Variants in DNAAF9 observed in about 807,000 individuals in gnomAD.
The protein encoded by DNAAF9 is shulin.
Under a neutral mutation model 167.0 loss-of-function variants are expected in DNAAF9, and 90 were observed. That is an observed-to-expected ratio of 0.54 (90% confidence interval 0.45 to 0.64). The LOEUF (loss-of-function observed/expected upper bound fraction) is 0.64, where lower values mean the gene tolerates loss of function less well. Among genes scored for constraint, DNAAF9 ranks in the 30% least tolerant of loss-of-function variants. DNAAF9 has a pLI of 0.00. For missense variants in DNAAF9, 1,315 were observed against 1,442.2 expected (o/e 0.91, Z 1.43); for synonymous variants, 491 against 508.8 (o/e 0.96, Z 0.47).
rs2068344054 is a variant in DNAAF9 at position 3,259,567 on chromosome 20, G to A, written c.2981-13C>T. On this transcript the variant is annotated splice_polypyrimidine_tract_variant and intron_variant, in intron 32 of 36. Transcript: ENST00000252032. ...GAGGACTGAATTGCTGGTGGAAGAA[G>A]AGGACAGCGCTGTCACCCACATGGA... The A allele has an allele frequency of 6.3e-7, 1 of 1,593,466 alleles. No individual in the cohort carries two copies. Among genetic ancestry groups the A allele is most frequent in the Non-Finnish European group, 8.6e-7 (1 of 1,161,068 alleles).
chr20:3,397,722 G>A (rs532729209), intron 1 of DNAAF9, among the ~76,000 whole-genome samples: 1 of 97,156 alleles, frequency 1.0e-5, no homozygotes, highest in Non-Finnish European at 2.4e-5. Context: ...TTTTTTTTGG[G>A]GGGGGGGAAC....
In DNAAF9 at chr20:3,315,073, T is replaced by G. The variant is rs1359472918; in HGVS notation, c.1638A>C (p.Ala546=). ...LGTYLTGGEG[A]YLYSSNLQSW... ...ACTGTAGATTGCTGGAATAAAGATATGCTCCTTCTCCTCCTGTTAGATAAG... is the reference window on the plus strand; with the variant it reads ...ACTGTAGATTGCTGGAATAAAGATAGGCTCCTTCTCCTCCTGTTAGATAAG... Residue 546 remains alanine (A), a synonymous_variant, in exon 20 of 37, where the codon GCA becomes GCC. Transcript: ENST00000252032. The surrounding 1 kb of genome is among the most constrained non-coding windows in gnomAD (Gnocchi z 4.1). 2 of 1,611,900 alleles carry G rather than the reference T, an allele frequency of 1.2e-6. No homozygotes were observed. The highest frequency in any genetic ancestry group is 2.7e-5 in the African/African-American group (2 of 74,996).
At chr20:3,368,628 T>A (rs1568632142) in intron 6 of DNAAF9, among the ~76,000 whole-genome samples, 1 of 151,252 alleles carries the variant, frequency 6.6e-6, no homozygotes, top group African/African-American at 2.4e-5. Flanking sequence ...TTCTCCTGCC[T>A]CAGCCTCCCG....
intron 21 of DNAAF9, among the ~76,000 whole-genome samples, chr20:3,299,030 T>G (rs2069135638): frequency 6.7e-6 from 1 of 149,148 alleles, no homozygotes; most frequent in African/African-American, 2.5e-5. Context: ...TGCTTCAGCC[T>G]CCCGAGTAGC....
chr20:3,302,047 A>G (rs2069198951), intron 21 of DNAAF9, among the ~76,000 whole-genome samples: 1 of 151,918 alleles, frequency 6.6e-6, no homozygotes, highest in Non-Finnish European at 1.5e-5. Flanking sequence ...GGTTAATGCA[A>G]TTCTCCTGCC....
rs1228435872 is a variant in DNAAF9 at position 3,401,349 on chromosome 20, G to C, written c.83+6126C>G. ...GCCTCTCCAGTAGCTGGGATTACAGGCACCCGTCACTAGGCCTAATTTTTG... is the reference window on the plus strand; with the variant it reads ...GCCTCTCCAGTAGCTGGGATTACAGCCACCCGTCACTAGGCCTAATTTTTG... On this transcript the variant is annotated intron_variant, in intron 1 of 36. Coordinates refer to ENST00000252032, the MANE Select transcript of DNAAF9 (RefSeq NM_001009984.3). 2.6e-5 allele frequency among the ~76,000 whole-genome samples: 4 copies of C among 152,172 alleles called. No individual in the cohort carries two copies. In the East Asian group the frequency reaches 7.7e-4, roughly 29 times the overall value.
intron 6 of DNAAF9, 118 bp from the exon 7 acceptor site, chr20:3,359,711 A>C (rs1180915532): frequency 2.1e-5 from 14 of 651,582 alleles, no homozygotes; most frequent in South Asian, 1.8e-4. Flanking sequence ...ACAGAATAAT[A>C]AATCAAAAAT....
chr20:3,281,174 G>A (rs1367182409), intron 28 of DNAAF9, among the ~76,000 whole-genome samples: 1 of 152,038 alleles, frequency 6.6e-6, no homozygotes, highest in Non-Finnish European at 1.5e-5. Flanking sequence ...GATTACAAGT[G>A]TGCACCACCA....
rs10522445 is a variant in DNAAF9 at position 3,394,949 on chromosome 20, C to CTTTTTTTTTTTTTTT, written c.84-12458_84-12444dup. Reference sequence around the variant, plus strand: ...GCTTTTACTGAACATTTTCTTTTTTCTTTTTTTTTTTTTTTTTTTTTTTTT... The same window carrying CTTTTTTTTTTTTTTT: ...GCTTTTACTGAACATTTTCTTTTTTCTTTTTTTTTTTTTTTTTTTTTTTTTTTTTTTTTTTTTTTT... On this transcript the variant is annotated intron_variant, in intron 1 of 36. Coordinates refer to ENST00000252032, the MANE Select transcript of DNAAF9 (RefSeq NM_001009984.3). Among the ~76,000 whole-genome samples, 267 of 102,080 alleles carry CTTTTTTTTTTTTTTT rather than the reference C, an allele frequency of 2.6e-3. 44 individuals carry two copies. The highest frequency in any genetic ancestry group is 3.8e-3 in the Non-Finnish European group (201 of 52,728). 67.0% of individuals were successfully genotyped at this position (102,080 alleles called of 152,430 possible).
chr20:3,397,328 T>TTGTTTTC (rs2083923801), intron 1 of DNAAF9, among the ~76,000 whole-genome samples: 1 of 151,940 alleles, frequency 6.6e-6, no homozygotes, highest in Non-Finnish European at 1.5e-5. Context: ...GTTTTGTTTT[T>TTGTTTTC]TGTTTTTTGA....
Position 3,256,121 on chromosome 20 carries a change from T to C in DNAAF9, c.3146A>G (p.Asp1049Gly), listed in dbSNP as rs199661270. 39 of 1,613,840 alleles carry C rather than the reference T, an allele frequency of 2.4e-5. No individual in the cohort carries two copies. In the Middle Eastern group the frequency reaches 9.9e-4, roughly 41 times the overall value. Residue 1049 changes from aspartate to glycine, a missense_variant, in exon 34 of 37, where the codon GAC becomes GGC. This residue lies in a region of DNAAF9 where 334 missense variants were observed against 429.7 expected (regional missense o/e 0.78). Transcript: ENST00000252032. Reference protein sequence around the residue: ...PVLEGPTPPPDSKSVSQDSSG... With the variant: ...PVLEGPTPPPGSKSVSQDSSG... Reference sequence around the variant, plus strand: ...GCTGTCTTGAGATACGCTTTTGGAGTCTGGTGGTGGTGTGGGTCCTTCCAA... The same window carrying C: ...GCTGTCTTGAGATACGCTTTTGGAGCCTGGTGGTGGTGTGGGTCCTTCCAA...
At chr20:3,374,593 G>A (rs905021121) in intron 5 of DNAAF9, among the ~76,000 whole-genome samples, 1 of 152,124 alleles carries the variant, frequency 6.6e-6, no homozygotes, top group African/African-American at 2.4e-5. Context: ...CAATGTGCAA[G>A]GTTTTTTCTT....
At chr20:3,294,342 T>C (rs2069024279) in intron 24 of DNAAF9, 86 bp from the exon 25 acceptor site, 2 of 929,922 alleles carry the variant, frequency 2.2e-6, no homozygotes, top group Admixed American at 4.0e-5. Flanking sequence ...TTTACTTAAT[T>C]GCTGAAAAAT....
rs1568575695 is a variant in DNAAF9, at chr20:3,281,772, GA to G, written c.2487-7del. 1 of 1,606,266 alleles carries G rather than the reference GA, an allele frequency of 6.2e-7. No individual in the cohort carries two copies. Among genetic ancestry groups the G allele is most frequent in the Admixed American group, 1.7e-5 (1 of 58,350 alleles). On this transcript the variant is annotated splice_polypyrimidine_tract_variant and splice_region_variant and intron_variant, in intron 27 of 36. Coordinates refer to ENST00000252032, the MANE Select transcript of DNAAF9 (RefSeq NM_001009984.3). ...CATCAATAACATCTGTGTAGCTGGGGAAGGTAAAAAAGGAATGATTAGTTCA... is the reference window on the plus strand; with the variant it reads ...CATCAATAACATCTGTGTAGCTGGGGAGGTAAAAAAGGAATGATTAGTTCA...
At chr20:3,365,338 G>A (rs1035868121) in intron 6 of DNAAF9, among the ~76,000 whole-genome samples, 5 of 151,890 alleles carry the variant, frequency 3.3e-5, no homozygotes, top group Non-Finnish European at 7.4e-5. Flanking sequence ...TTTCACAAAA[G>A]ACTTCTCTGT....
At chr20:3,257,583 G>A (rs989153186) in intron 33 of DNAAF9, among the ~76,000 whole-genome samples, 4 of 152,040 alleles carry the variant, frequency 2.6e-5, no homozygotes, top group Admixed American at 2.0e-4. Flanking sequence ...TCACTCTGTC[G>A]CCCAGGCTGG....
In DNAAF9 at chr20:3,255,385, G is replaced by A. The variant is rs2068260532; in HGVS notation, c.3262-101C>T. 2.6e-4 allele frequency: 191 copies of A among 722,992 alleles called. 1 individual carries two copies. In the South Asian group the frequency reaches 2.9e-3, roughly 11 times the overall value. The allele number at this position is 722,992 out of a possible 1,614,324, so 44.8% of individuals were successfully genotyped here. A position where few individuals can be genotyped will look rare whatever the true frequency, so the allele number is the denominator to read the frequency against. On this transcript the variant is annotated intron_variant, in intron 34 of 36. Coordinates refer to ENST00000252032, the MANE Select transcript of DNAAF9 (RefSeq NM_001009984.3). ...CTATTACACAACTAAGATCTCAGCA[G>A]TGGGGAAAGCACGTGCGCTATGGCC...
intron 8 of DNAAF9, among the ~76,000 whole-genome samples, chr20:3,346,859 T>C (rs924213785): frequency 1.3e-5 from 2 of 152,262 alleles, no homozygotes; most frequent in Non-Finnish European, 1.5e-5. Context: ...CTGAAAAGGA[T>C]AGACCACTGG....
At chr20:3,349,257 C>G (rs1320890609) in intron 7 of DNAAF9, among the ~76,000 whole-genome samples, 1 of 149,436 alleles carries the variant, frequency 6.7e-6, no homozygotes, top group Non-Finnish European at 1.5e-5. Flanking sequence ...TGGTGCGCAC[C>G]TGTTGTCCCA....
Sources: gnomAD v4.1 joint callset for allele counts (sites outside exome capture counted in the v4.1 genomes callset) on GRCh38, gnomAD v4.1.1 for gene constraint, gnomAD v4.1.1 regional missense constraint, Gnocchi (gnomAD v3.1) non-coding constraint, MANE v1.5 for transcripts, NCBI Gene and HGNC (gene_info 2026-07-23, HGNC 2026-07-21) for gene names.